SCYL2: variants seen among roughly 807,000 people sequenced by gnomAD.
SCYL2 encodes SCY1-like protein 2.
SCYL2 carries 36 observed loss-of-function variants against 100.4 expected under a neutral mutation model. That is an observed-to-expected ratio of 0.36 (90% confidence interval 0.27 to 0.47). The LOEUF (loss-of-function observed/expected upper bound fraction) is 0.47. Ranked by LOEUF, SCYL2 falls within the 20% of genes least tolerant of loss-of-function variation. The pLI, the probability that SCYL2 is intolerant of heterozygous loss-of-function variation, is 1.00. For synonymous variants in SCYL2, 330 were observed against 359.2 expected (o/e 0.92, Z 0.92); for missense variants, 902 against 1,083.9 (o/e 0.83, Z 2.36).
At chr12:100,273,375 T>C (rs2096289491) in intron 1 of SCYL2, among the ~76,000 whole-genome samples, 1 of 152,198 alleles carries the variant, frequency 6.6e-6, no homozygotes, top group Non-Finnish European at 1.5e-5. Flanking sequence ...GTATATTCTG[T>C]AGCGTTTTAT....
rs1474578865 is a variant in SCYL2 at position 100,329,253 on chromosome 12, G to C, written c.1695G>C (p.Gln565His). Residue 565 changes from glutamine (Q) to histidine (H), a missense_variant, in exon 13 of 18, where the codon CAG becomes CAC. By Grantham distance (24) the Gln-to-His change is conservative. Coordinates refer to ENST00000360820, the MANE Select transcript of SCYL2 (RefSeq NM_017988.6). ...AGAAGTTGGGAATCACCAAAGAGCA[G>C]CTGGCCGGAAAAGTGTTGCCTCATC... ...THKKLGITKE[Q>H]LAGKVLPHLI... The C allele has an allele frequency of 3.7e-6, 6 of 1,610,282 alleles. No individual in the cohort carries two copies. In the Admixed American group the frequency reaches 1.0e-4, roughly 27 times the overall value.
intron 3 of SCYL2, among the ~76,000 whole-genome samples, chr12:100,297,484 A>G (rs1421236105): frequency 1.3e-5 from 2 of 152,192 alleles, no homozygotes; most frequent in Admixed American, 6.5e-5. Context: ...AATAACTGTG[A>G]CACCTTTCAA....
intron 3 of SCYL2, among the ~76,000 whole-genome samples, chr12:100,295,198 C>T (rs2096317912): frequency 6.6e-6 from 1 of 151,108 alleles, no homozygotes; most frequent in Non-Finnish European, 1.5e-5. Flanking sequence ...GACGGAGACG[C>T]TCCTCACTTC....
Position 100,312,485 on chromosome 12 carries a change from A to G in SCYL2, c.684A>G (p.Pro228=). ...CAAATTTACCTTCATTGTGTCTTCC[A>G]AATCCTGAATATTTGGCTCCTGAAT... The part of the protein sequence containing the change: ...WDPNLPSLCL[P]NPEYLAPEYI... Residue 228 remains proline, a synonymous_variant, in exon 6 of 18, where the codon CCA becomes CCG. Coordinates refer to ENST00000360820, the MANE Select transcript of SCYL2 (RefSeq NM_017988.6). 2 of 1,613,726 alleles carry G rather than the reference A, an allele frequency of 1.2e-6. No homozygotes were observed. Among genetic ancestry groups the G allele is most frequent in the Non-Finnish European group, 8.5e-7 (1 of 1,179,950 alleles).
intron 10 of SCYL2, among the ~76,000 whole-genome samples, chr12:100,322,243 G>A (rs1381343295): frequency 6.7e-6 from 1 of 148,934 alleles, no homozygotes; most frequent in African/African-American, 2.5e-5. Flanking sequence ...CGTGGTGGCG[G>A]GCGCCTGTAG....
At chr12:100,291,426 T>C in intron 2 of SCYL2, 77 bp from the exon 3 acceptor site, 4 of 984,782 alleles carry the variant, frequency 4.1e-6, no homozygotes, top group Non-Finnish European at 5.9e-6. Flanking sequence ...GCATAGTTAT[T>C]TGTAGATTGT....
chr12:100,283,402 C>T (rs1054545119), intron 2 of SCYL2, among the ~76,000 whole-genome samples: 1 of 152,160 alleles, frequency 6.6e-6, no homozygotes, highest in Non-Finnish European at 1.5e-5. Context: ...ACTTAATAAA[C>T]ATGTCAGTTG....
chr12:100,311,900 G>A (rs912664813), intron 5 of SCYL2, among the ~76,000 whole-genome samples: 8 of 152,118 alleles, frequency 5.3e-5, no homozygotes, highest in African/African-American at 1.7e-4. Flanking sequence ...ATATGTAGTC[G>A]TTAGAGGGCC....
intron 14 of SCYL2, 156 bp from the exon 15 acceptor site, chr12:100,335,469 C>A: frequency 3.6e-6 from 2 of 550,872 alleles, no homozygotes; most frequent in African/African-American, 1.9e-5. Flanking sequence ...TTGGGGCAAG[C>A]AGACATTAAC....
At chr12:100,292,347 C>A (rs987789487) in intron 3 of SCYL2, among the ~76,000 whole-genome samples, 9 of 152,114 alleles carry the variant, frequency 5.9e-5, no homozygotes, top group African/African-American at 2.2e-4. Context: ...TTAATCAGAT[C>A]ATTTGGTATT....
At chr12:100,269,781 A>G (rs2096285310) in intron 1 of SCYL2, among the ~76,000 whole-genome samples, 1 of 152,170 alleles carries the variant, frequency 6.6e-6, no homozygotes, top group African/African-American at 2.4e-5. Context: ...GTTCATCAGA[A>G]TCACTTACGG....
chr12:100,330,320 G>A (rs920981876), intron 13 of SCYL2, among the ~76,000 whole-genome samples: 1 of 152,096 alleles, frequency 6.6e-6, no homozygotes, highest in East Asian at 1.9e-4. Context: ...GGAATAATGT[G>A]TCCAAAGATT....
chr12:100,281,359 G>A (rs535954613), intron 1 of SCYL2, among the ~76,000 whole-genome samples: 12 of 152,162 alleles, frequency 7.9e-5, no homozygotes, highest in Admixed American at 3.9e-4. Flanking sequence ...ATAGTTGAAT[G>A]TAATTATTGT....
Position 100,282,960 on chromosome 12 carries a change from A to G in SCYL2, c.-11A>G, listed in dbSNP as rs757406250. 3.0e-5 allele frequency: 48 copies of G among 1,576,284 alleles called. No homozygotes were observed. Among genetic ancestry groups the G allele is most frequent in the South Asian group, 2.7e-4 (23 of 86,348 alleles). ...TTTTCTAGGTAACTATAACTACCCA[A>G]TATTGCAGCCATGGAGTCCATGCTT... On this transcript the variant is annotated 5_prime_UTR_variant, in exon 2 of 18. Transcript: ENST00000360820.
At chr12:100,330,290 G>T (rs1052133971) in intron 13 of SCYL2, among the ~76,000 whole-genome samples, 2 of 151,956 alleles carry the variant, frequency 1.3e-5, no homozygotes, top group Non-Finnish European at 2.9e-5. Context: ...CTTTCAAGGT[G>T]TGGTAAATGT....
In SCYL2 at chr12:100,335,707, A is replaced by G. The variant is rs1952266931; in HGVS notation, c.1929+16A>G. 3.1e-6 allele frequency: 5 copies of G among 1,606,424 alleles called. No individual in the cohort carries two copies. In the Admixed American group the frequency reaches 8.4e-5, roughly 27 times the overall value. On this transcript the variant is annotated intron_variant, in intron 15 of 17. Transcript: ENST00000360820. ...TGGGAATCAGGTAAGAAGCAGCTTA[A>G]TTTTTGCAGAAAGTATGCTTCATCT...
chr12:100,309,870 T>C (rs2096340009), intron 4 of SCYL2, among the ~76,000 whole-genome samples: 1 of 152,202 alleles, frequency 6.6e-6, no homozygotes, highest in South Asian at 2.1e-4. Flanking sequence ...AGCACCTATA[T>C]TCCCACCAAC....
At chr12:100,311,542 T>C (rs1207673721) in intron 5 of SCYL2, among the ~76,000 whole-genome samples, 1 of 152,170 alleles carries the variant, frequency 6.6e-6, no homozygotes, top group Non-Finnish European at 1.5e-5. Context: ...ATAATAGCAG[T>C]GGCAATAGCT....
chr12:100,282,604 C>T (rs192940313), intron 1 of SCYL2, among the ~76,000 whole-genome samples: 15 of 152,140 alleles, frequency 9.9e-5, no homozygotes, highest in Non-Finnish European at 1.8e-4. Flanking sequence ...ATATTACAGG[C>T]GTGAGCCACC....
Sources: gnomAD v4.1 joint callset for allele counts (sites outside exome capture counted in the v4.1 genomes callset) on GRCh38, gnomAD v4.1.1 for gene constraint, MANE v1.5 for transcripts, NCBI Gene and HGNC (gene_info 2026-07-23, HGNC 2026-07-21) for gene names.